The following GLDN variants were observed in gnomAD, a reference collection of about 807,000 sequenced individuals.
GLDN encodes gliomedin.
Under a neutral mutation model 56.5 loss-of-function variants are expected in GLDN, and 47 were observed. The ratio of observed to expected loss-of-function variants is 0.83; its 90% CI spans 0.66 to 1.06. The LOEUF is 1.06. Ranked by LOEUF, GLDN falls within the 50% of genes least tolerant of loss-of-function variation. The pLI, the probability that GLDN is intolerant of heterozygous loss-of-function variation, is 0.00. For synonymous variants in GLDN, 332 were observed against 278.8 expected (o/e 1.19, Z -1.90); for missense variants, 782 against 714.3 (o/e 1.09, Z -1.08).
At chr15:51,386,973 G>A (rs190450324) in intron 4 of GLDN, among the ~76,000 whole-genome samples, 60 of 152,290 alleles carry the variant, frequency 3.9e-4, no homozygotes, top group Non-Finnish European at 1.2e-4. Context: ...TGGGGCAGTG[G>A]CCTTGGAAAA....
chr15:51,363,387 A>T (rs1566938788), intron 1 of GLDN, among the ~76,000 whole-genome samples: 1 of 152,256 alleles, frequency 6.6e-6, no homozygotes, highest in Non-Finnish European at 1.5e-5. Flanking sequence ...TTAAAAGCAT[A>T]GGGCTCGGCT....
Position 51,406,013 on chromosome 15 carries a change from G to A in GLDN, c.*1259G>A, listed in dbSNP as rs2038373437. The A allele has an allele frequency of 1.3e-5, 2 of 152,156 alleles. No homozygotes were observed. The highest frequency in any genetic ancestry group is 2.9e-5 in the Non-Finnish European group (2 of 68,016). 9.4% of individuals were successfully genotyped at this position (152,156 alleles called of 1,614,324 possible). ...CTGATAAAGAATATAAAGTGAGCCT[G>A]ATTCTTGAAAAAATCAGAACCAGAG... On this transcript the variant is annotated 3_prime_UTR_variant, in exon 10 of 10. Coordinates refer to ENST00000335449, the MANE Select transcript of GLDN (RefSeq NM_181789.4).
At chr15:51,383,036 T>C (rs1294117593) in intron 2 of GLDN, among the ~76,000 whole-genome samples, 2 of 152,142 alleles carry the variant, frequency 1.3e-5, no homozygotes, top group African/African-American at 4.8e-5. Context: ...TTACAGCACT[T>C]GGAGAACTCC....
Position 51,355,038 on chromosome 15 carries a change from GAA to G in GLDN, c.363+12994_363+12995del, listed in dbSNP as rs530731201. On this transcript the variant is annotated intron_variant, in intron 1 of 9. Transcript: ENST00000335449. The stretch of plus-strand genomic sequence containing the variant: ...ATTTTGCTAACTAATTGGATATAAG[GAA>G]AAGTGTTACTGGAAAGAGGTCCTTA... Among the ~76,000 whole-genome samples the G allele has an allele frequency of 1.3e-3, 203 of 152,292 alleles. 1 individual carries two copies. The Middle Eastern group carries it at 0.014, about 10-fold the overall frequency.
chr15:51,392,887 T>C (rs1339812790), intron 4 of GLDN, among the ~76,000 whole-genome samples: 1 of 152,226 alleles, frequency 6.6e-6, no homozygotes, highest in Non-Finnish European at 1.5e-5. Context: ...ACGGTCTTCA[T>C]CCTTTCCAAT....
chr15:51,394,873 G>C lies in GLDN; in HGVS notation c.580G>C (p.Glu194Gln). ...TGCAGGAAATCCAGGGGAAAGGGGA[G>C]AAAAGGGAGACCATGGTGAACTGGG... ...GAAGNPGERG[E>Q]KGDHGELGLQ... Residue 194 changes from glutamate to glutamine, a missense_variant, in exon 5 of 10, where the codon GAA (glutamate) becomes CAA (glutamine). Physicochemically the swap from Glu to Gln is conservative, Grantham distance 29. Coordinates refer to ENST00000335449, the MANE Select transcript of GLDN (RefSeq NM_181789.4). 1.2e-6 allele frequency: 2 copies of C among 1,613,746 alleles called. No individual in the cohort carries two copies. Among genetic ancestry groups the C allele is most frequent in the Non-Finnish European group, 1.7e-6 (2 of 1,179,800 alleles).
At chr15:51,397,904 A>G (rs1174812977) in intron 6 of GLDN, among the ~76,000 whole-genome samples, 1 of 152,174 alleles carries the variant, frequency 6.6e-6, no homozygotes, top group Non-Finnish European at 1.5e-5. Flanking sequence ...ACAGTATGGA[A>G]AGCTAAGCTG....
intron 1 of GLDN, among the ~76,000 whole-genome samples, chr15:51,361,258 C>G (rs1294613791): frequency 1.3e-5 from 2 of 152,174 alleles, no homozygotes; most frequent in African/African-American, 4.8e-5. Flanking sequence ...CTTTGGTTTT[C>G]TACAATTTTG....
At chr15:51,343,617 G>C (rs1212288530) in intron 1 of GLDN, among the ~76,000 whole-genome samples, 1 of 152,216 alleles carries the variant, frequency 6.6e-6, no homozygotes. Context: ...ACAGGTCAGA[G>C]AGCAGAACTA....
Position 51,401,631 on chromosome 15 carries a change from C to T in GLDN, c.1066C>T (p.Leu356=), listed in dbSNP as rs765856080. 1 of 1,614,070 alleles carries T rather than the reference C, an allele frequency of 6.2e-7. No homozygotes were observed. The highest frequency in any genetic ancestry group is 1.7e-5 in the Admixed American group (1 of 60,006). The change falls in exon 9 of 10, where the codon CTG becomes TTG. Residue 356 remains leucine, a synonymous_variant. Transcript: ENST00000335449. ...VKEFKDQPSL[L]NGSYTFIHLP... is the part of the protein sequence containing the mutation. Reference sequence around the variant, plus strand: ...GGAATTCAAGGATCAGCCCTCACTTCTGAATGGCAGTTACACGTTCATCCA... The same window carrying T: ...GGAATTCAAGGATCAGCCCTCACTTTTGAATGGCAGTTACACGTTCATCCA...
At chr15:51,375,747 G>A (rs570624492) in intron 1 of GLDN, among the ~76,000 whole-genome samples, 1 of 152,324 alleles carries the variant, frequency 6.6e-6, no homozygotes, top group East Asian at 1.9e-4. Flanking sequence ...ACGTGCCAGG[G>A]ACTGAGCAGG....
At chr15:51,356,862 CTG>C (rs2037197138) in intron 1 of GLDN, among the ~76,000 whole-genome samples, 1 of 152,182 alleles carries the variant, frequency 6.6e-6, no homozygotes, top group Non-Finnish European at 1.5e-5. Context: ...TGCTGCCATT[CTG>C]TGTTTCAGGG....
At chr15:51,356,610 G>A (rs1287641596) in intron 1 of GLDN, among the ~76,000 whole-genome samples, 3 of 152,176 alleles carry the variant, frequency 2.0e-5, no homozygotes, top group African/African-American at 7.2e-5. Flanking sequence ...TAATGGTAAA[G>A]AGCGTGGGCA....
chr15:51,383,645 G>A, intron 3 of GLDN, 140 bp from the exon 4 acceptor site: 1 of 959,002 alleles, frequency 1.0e-6, no homozygotes, highest in Non-Finnish European at 1.6e-6. Context: ...AGCCAGAGAA[G>A]GAAGGAAAGA....
At chr15:51,353,958 A>G (rs1261218499) in intron 1 of GLDN, among the ~76,000 whole-genome samples, 2 of 152,238 alleles carry the variant, frequency 1.3e-5, no homozygotes, top group Non-Finnish European at 2.9e-5. Flanking sequence ...AGCATTTTGC[A>G]GCCCATCCGT....
At chr15:51,378,191 A>G (rs1595821514) in intron 2 of GLDN, among the ~76,000 whole-genome samples, 2 of 152,264 alleles carry the variant, frequency 1.3e-5, no homozygotes, top group East Asian at 3.9e-4. Flanking sequence ...TGGAGGTGAG[A>G]TGGTAAGAAA....
chr15:51,366,314 C>A (rs537823594), intron 1 of GLDN, among the ~76,000 whole-genome samples: 1 of 152,316 alleles, frequency 6.6e-6, no homozygotes, highest in African/African-American at 2.4e-5. Context: ...TACCATCTAA[C>A]CAGGCAACTG....
intron 1 of GLDN, among the ~76,000 whole-genome samples, chr15:51,368,639 G>A (rs2037454752): frequency 6.6e-6 from 1 of 151,630 alleles, no homozygotes; most frequent in South Asian, 2.1e-4. Flanking sequence ...TGCATACAAA[G>A]AAATGTTCAT....
chr15:51,383,584 G>A (rs1309985162), intron 3 of GLDN, 131 bp downstream of exon 3: 3 of 1,150,790 alleles, frequency 2.6e-6, no homozygotes, highest in East Asian at 4.7e-5. Flanking sequence ...CCTTCTTTGT[G>A]CCCCTCACCT....
Sources: allele counts gnomAD v4.1 joint callset (sites outside exome capture counted in the v4.1 genomes callset), GRCh38; gene constraint gnomAD v4.1.1; transcripts MANE v1.5; gene names NCBI Gene and HGNC (gene_info 2026-07-23, HGNC 2026-07-21).